Variants in LRP2 observed in about 807,000 individuals in gnomAD.
The protein encoded by LRP2 is LDL receptor related protein 2.
A neutral mutation model predicts 531.0 loss-of-function variants in LRP2; 172 were observed. The ratio of observed to expected loss-of-function variants is 0.32; its 90% CI spans 0.29 to 0.37. LRP2 has a LOEUF of 0.37. LRP2 is among the 10% of genes least tolerant of loss of function. LRP2 has a pLI of 1.00. For synonymous variants in LRP2, 1,992 were observed against 2,027.6 expected (o/e 0.98, Z 0.47); for missense variants, 5,167 against 5,868.3 (o/e 0.88, Z 3.90).
At chr2:169,165,108 C>T (rs927467736) in intron 62 of LRP2, among the ~76,000 whole-genome samples, 3 of 152,078 alleles carry the variant, frequency 2.0e-5, no homozygotes, top group Non-Finnish European at 4.4e-5. Context: ...GGGATGGGGG[C>T]TGGAAGTAAG....
intron 1 of LRP2, among the ~76,000 whole-genome samples, chr2:169,334,005 G>C (rs997325931): frequency 9.2e-5 from 14 of 152,194 alleles, no homozygotes; most frequent in African/African-American, 2.4e-4. Flanking sequence ...ATACCCACGT[G>C]TGATAAAGTG....
chr2:169,201,551 T>C, intron 44 of LRP2, 77 bp downstream of exon 44: 1 of 1,587,430 alleles, frequency 6.3e-7, no homozygotes, highest in Non-Finnish European at 8.6e-7. Context: ...AAAGCCTTTT[T>C]TTTATATAAT....
chr2:169,338,355 A>G (rs868718368), intron 1 of LRP2, among the ~76,000 whole-genome samples: 1 of 113,646 alleles, frequency 8.8e-6, no homozygotes, highest in African/African-American at 3.4e-5. Flanking sequence ...AAGGAAAGAA[A>G]GAAGGAAAGA....
chr2:169,292,393 T>C, intron 6 of LRP2, 24 bp from the exon 7 acceptor site: 1 of 1,432,786 alleles, frequency 7.0e-7, no homozygotes, highest in Non-Finnish European at 9.9e-7. Flanking sequence ...ACAGCTGCAC[T>C]CCAAAGACAC....
At chr2:169,340,697 G>A (rs1685539104) in intron 1 of LRP2, among the ~76,000 whole-genome samples, 1 of 152,106 alleles carries the variant, frequency 6.6e-6, no homozygotes, top group Non-Finnish European at 1.5e-5. Context: ...GTCTCTAATG[G>A]TATCATGGAA....
intron 1 of LRP2, among the ~76,000 whole-genome samples, chr2:169,342,229 T>C: frequency 6.7e-6 from 1 of 149,988 alleles, no homozygotes; most frequent in Admixed American, 6.6e-5. Context: ...TATTTATGAA[T>C]GTAATTAACA....
chr2:169,133,959 A>G (rs1176984160), intron 76 of LRP2, among the ~76,000 whole-genome samples: 1 of 152,106 alleles, frequency 6.6e-6, no homozygotes, highest in Non-Finnish European at 1.5e-5. Flanking sequence ...TTTCATCCTC[A>G]TCTGTTACCT....
chr2:169,213,942 C>G, intron 35 of LRP2, 72 bp from the exon 36 acceptor site: 4 of 984,476 alleles, frequency 4.1e-6, no homozygotes, highest in Non-Finnish European at 6.5e-6. Context: ...CACTAATATT[C>G]TCCTAATTAT....
At chr2:169,153,389 C>G (rs1312996511) in intron 66 of LRP2, among the ~76,000 whole-genome samples, 2 of 152,136 alleles carry the variant, frequency 1.3e-5, no homozygotes, top group African/African-American at 2.4e-5. Context: ...TATATACAGA[C>G]AGAAGGATGG....
chr2:169,166,439 G>T (rs765805436), intron 61 of LRP2, among the ~76,000 whole-genome samples: 2 of 152,122 alleles, frequency 1.3e-5, no homozygotes, highest in Non-Finnish European at 2.9e-5. Context: ...CAGGTCTCTG[G>T]ACCTGAATAA....
intron 68 of LRP2, among the ~76,000 whole-genome samples, chr2:169,148,702 G>A (rs1396809735): frequency 3.3e-5 from 5 of 151,898 alleles, no homozygotes; most frequent in South Asian, 2.1e-4. Context: ...AAAACAAAAC[G>A]TAGGGAATGG....
At position 169,140,442 on chromosome 2, in the gene LRP2, C is replaced by T. The variant is rs1283816537; in HGVS notation, c.13199+13G>A. 1.9e-6 allele frequency: 3 copies of T among 1,610,182 alleles called. No individual in the cohort carries two copies. The highest frequency in any genetic ancestry group is 4.5e-5 in the East Asian group (2 of 44,874). ...GCAAGGCCTATAGCTGGGACCTCAA[C>T]ATTCAGACTTACTTGCATTTGGGGA... On this transcript the variant is annotated intron_variant, in intron 72 of 78. Coordinates refer to ENST00000649046, the MANE Select transcript of LRP2 (RefSeq NM_004525.3).
At chr2:169,207,309 G>C (rs565436235) in intron 38 of LRP2, 59 bp from the exon 39 acceptor site, 1 of 1,233,634 alleles carries the variant, frequency 8.1e-7, no homozygotes, top group East Asian at 2.4e-5. Flanking sequence ...AAAAAAGGGA[G>C]AACTTTACAA....
At chr2:169,275,271 T>C in intron 13 of LRP2, 33 bp from the exon 14 acceptor site, 1 of 1,550,210 alleles carries the variant, frequency 6.5e-7, no homozygotes, top group Non-Finnish European at 8.9e-7. Flanking sequence ...ATCATACAAT[T>C]TGTTAGTTTT....
chr2:169,179,463 G>A (rs943437644), intron 52 of LRP2, among the ~76,000 whole-genome samples: 13 of 152,180 alleles, frequency 8.5e-5, no homozygotes, highest in Non-Finnish European at 1.8e-4. Context: ...GCTCACGCCT[G>A]TAATCCCAAC....
intron 33 of LRP2, among the ~76,000 whole-genome samples, chr2:169,224,660 T>C (rs1255198744): frequency 1.3e-5 from 2 of 152,258 alleles, no homozygotes; most frequent in East Asian, 1.9e-4. Context: ...ATCTTCCCTT[T>C]ATGTTGAATT....
At chr2:169,276,982 G>T (rs1683572584) in intron 13 of LRP2, among the ~76,000 whole-genome samples, 1 of 151,986 alleles carries the variant, frequency 6.6e-6, no homozygotes. Flanking sequence ...ATAACTTGAG[G>T]TTAGGAGTTT....
chr2:169,157,352 T>C lies in LRP2; in HGVS notation c.12019+19A>G, dbSNP rs140003209. ...ATGTAAAGTTCACCTAAACAGGAAT[T>C]GGAAAAAATATACTCTACCTAGACA... On this transcript the variant is annotated intron_variant, in intron 64 of 78. Transcript: ENST00000649046. 6.2e-7 allele frequency: 1 copy of C among 1,612,120 alleles called. No individual in the cohort carries two copies. The highest frequency in any genetic ancestry group is 8.5e-7 in the Non-Finnish European group (1 of 1,178,946).
At chr2:169,154,948 T>A (rs2075251) in intron 65 of LRP2, among the ~76,000 whole-genome samples, 118,874 of 152,132 alleles carry the variant, frequency 0.78, 46,836 homozygotes, top group African/African-American at 0.86. Flanking sequence ...CAAAACAGAC[T>A]AGACTGCAGA....
Sources: allele counts gnomAD v4.1 joint callset (sites outside exome capture counted in the v4.1 genomes callset), GRCh38; gene constraint gnomAD v4.1.1; transcripts MANE v1.5; gene names NCBI Gene and HGNC (gene_info 2026-07-23, HGNC 2026-07-21).